Variants in MSN observed in about 807,000 individuals in gnomAD.
MSN encodes the protein moesin.
A neutral mutation model predicts 48.0 loss-of-function variants in MSN; 2 were observed. The ratio of observed to expected loss-of-function variants is 0.04; its 90% CI spans 0.02 to 0.13. The LOEUF is 0.13. Among genes scored for constraint, MSN ranks in the 10% least tolerant of loss-of-function variants. MSN has a pLI of 1.00. For missense variants in MSN, 267 were observed against 470.1 expected, an observed-to-expected ratio of 0.57 and a Z score of 3.99; for synonymous variants, 146 against 166.9, an observed-to-expected ratio of 0.87 and a Z score of 0.97.
intron 1 of MSN, among the ~76,000 whole-genome samples, chrX:65,648,586 G>A (rs1041617488): frequency 9.4e-6 from 1 of 105,834 alleles, no homozygotes; most frequent in East Asian, 3.1e-4. Flanking sequence ...ATAAATAAAA[G>A]AGAGGACTGG....
intron 1 of MSN, among the ~76,000 whole-genome samples, chrX:65,695,859 ACTGATATTTAACTTCATGC>A (rs1404429461): frequency 1.2e-5 from 1 of 85,131 alleles, no homozygotes; most frequent in Non-Finnish European, 1.9e-5. Context: ...GAAAGGAGAC[ACTGATATTTAACTTCATGC>A]CTTTGAGAGA....
At chrX:65,708,609 G>A (rs979547061) in intron 1 of MSN, among the ~76,000 whole-genome samples, 1 of 111,121 alleles carries the variant, frequency 9.0e-6, no homozygotes, top group Non-Finnish European at 1.9e-5. Flanking sequence ...TTAACTTTCT[G>A]TGCCTGGCTT....
At position 65,692,198 on chromosome X, in the gene MSN, G is replaced by T. The variant is rs60826273; in HGVS notation, c.12+24345G>T. ...TCTTGCTTCTTTCTTCTTCATGCAT[G>T]CCTGTTGCTCTCTAAGGTCAGGGAT... On this transcript the variant is annotated intron_variant, in intron 1 of 12. Transcript: ENST00000360270. Among the ~76,000 whole-genome samples, 114 of 112,547 alleles carry T rather than the reference G, an allele frequency of 1.0e-3. 1 individual carries two copies. The highest frequency in any genetic ancestry group is 7.0e-3 in the East Asian group (25 of 3,583).
intron 1 of MSN, among the ~76,000 whole-genome samples, chrX:65,601,281 C>T (rs1015980195): frequency 1.8e-5 from 2 of 111,530 alleles, no homozygotes; most frequent in African/African-American, 3.3e-5. Context: ...ATTCAGAGGG[C>T]CTTTCTAGTT....
chrX:65,657,918 T>C lies in MSN; in HGVS notation c.-21-58900T>C, dbSNP rs999800966. Among the ~76,000 whole-genome samples, 3 of 111,919 alleles carry C rather than the reference T, an allele frequency of 2.7e-5. No individual in the cohort carries two copies. In the South Asian group the frequency reaches 1.1e-3, roughly 41 times the overall value. ...CAACAAATCAACAAACATGTGACTT[T>C]TGGACAAGTCACATCACTTCTCAGA... On this transcript the variant is annotated intron_variant, in intron 1 of 3. Coordinates refer to the MSN transcript ENST00000609672.
rs751586602 is a variant in MSN at position 65,617,492 on chromosome X, G to A, written c.-22+28880G>A. On this transcript the variant is annotated intron_variant, in intron 1 of 3. Transcript: ENST00000609672. ...CTTCTAGATTTTCTAGTTTATTTGC[G>A]TAGAGGTGTTTGTAGTATTCCCTGA... Among the ~76,000 whole-genome samples, 535 of 105,820 alleles carry A rather than the reference G, an allele frequency of 5.1e-3. 2 individuals are homozygous for A. The highest frequency in any genetic ancestry group is 8.3e-3 in the Non-Finnish European group (441 of 52,997). 91.9% of individuals were successfully genotyped at this position (105,820 alleles called of 115,157 possible).
intron 1 of MSN, chrX:65,589,721 G>T (rs1177790248): frequency 8.9e-6 from 1 of 111,764 alleles, no homozygotes; most frequent in African/African-American, 3.3e-5. Context: ...CCTGGATGTT[G>T]GTGGCATACG....
intron 1 of MSN, among the ~76,000 whole-genome samples, chrX:65,657,728 A>T (rs1298327057): frequency 9.0e-6 from 1 of 111,522 alleles, no homozygotes; most frequent in Non-Finnish European, 1.9e-5. Context: ...TCGAACCATT[A>T]GTCTGACCAC....
At chrX:65,689,035 G>C (rs2147471810) in intron 1 of MSN, among the ~76,000 whole-genome samples, 1 of 111,874 alleles carries the variant, frequency 8.9e-6, no homozygotes, top group South Asian at 3.7e-4. Context: ...TTTGTTGAGA[G>C]GAAGAGGTAT....
At chrX:65,718,252 G>A in intron 2 of MSN, among the ~76,000 whole-genome samples, 1 of 109,656 alleles carries the variant, frequency 9.1e-6, no homozygotes, top group South Asian at 4.1e-4. Flanking sequence ...AACTCTCTGG[G>A]TTGGTATCTT....
chrX:65,654,198 C>T (rs770203578), intron 1 of MSN, among the ~76,000 whole-genome samples: 2 of 106,636 alleles, frequency 1.9e-5, no homozygotes, highest in Admixed American at 1.0e-4. Flanking sequence ...CTCCGCCTCC[C>T]GGGCTCACAC....
intron 1 of MSN, among the ~76,000 whole-genome samples, chrX:65,634,365 C>G (rs2070582104): frequency 1.8e-5 from 2 of 112,646 alleles, no homozygotes; most frequent in African/African-American, 6.4e-5. Flanking sequence ...GTAATCCCAG[C>G]ACTTTGGGTG....
chrX:65,738,026 C>T lies in MSN; in HGVS notation c.1252-499C>T, dbSNP rs542487001. ...GAATAGAGGGAACCAAGACCTGTCT[C>T]TCATGAGGAAGCTGTCATGGGAGAT... On this transcript the variant is annotated intron_variant, in intron 10 of 12. Transcript: ENST00000360270. 1.5e-3 allele frequency among the ~76,000 whole-genome samples: 167 copies of T among 112,473 alleles called. 3 individuals carry two copies. Among genetic ancestry groups the T allele is most frequent in the South Asian group, 9.2e-3 (25 of 2,722 alleles).
chrX:65,610,518 G>A (rs2070311944), intron 1 of MSN, among the ~76,000 whole-genome samples: 1 of 112,086 alleles, frequency 8.9e-6, no homozygotes, highest in South Asian at 3.7e-4. Flanking sequence ...ATGGACATAT[G>A]AGTTGTTTCC....
intron 1 of MSN, among the ~76,000 whole-genome samples, chrX:65,612,446 T>C (rs1040643856): frequency 3.6e-5 from 4 of 112,001 alleles, no homozygotes; most frequent in African/African-American, 1.3e-4. Context: ...TTTTTGTTGC[T>C]GAGCTGTAGC....
At chrX:65,620,046 G>A (rs1029305101) in intron 1 of MSN, among the ~76,000 whole-genome samples, 7 of 112,099 alleles carry the variant, frequency 6.2e-5, no homozygotes, top group Non-Finnish European at 1.3e-4. Flanking sequence ...GGACCCACGT[G>A]AGGAGGCAAT....
intron 1 of MSN, among the ~76,000 whole-genome samples, chrX:65,686,003 A>G (rs750176474): frequency 4.2e-4 from 47 of 112,737 alleles, no homozygotes; most frequent in African/African-American, 1.5e-3. Context: ...GCTAGATTAG[A>G]ATCCCCTTCC....
intron 5 of MSN, 147 bp downstream of exon 5, chrX:65,731,337 T>C (rs2071620779): frequency 4.1e-6 from 2 of 482,350 alleles, no homozygotes; most frequent in Non-Finnish European, 3.5e-6. Flanking sequence ...CTAGGACCAT[T>C]ATAAGGCTGT....
intron 1 of MSN, chrX:65,625,575 G>A (rs1450186657): frequency 4.5e-5 from 5 of 111,261 alleles, no homozygotes; most frequent in Non-Finnish European, 7.5e-5. Context: ...TACATATATT[G>A]CCACCCAGCT....
Sources: gnomAD v4.1 joint callset for allele counts (sites outside exome capture counted in the v4.1 genomes callset) on GRCh38, gnomAD v4.1.1 for gene constraint, MANE v1.5 for transcripts, NCBI Gene and HGNC (gene_info 2026-07-23, HGNC 2026-07-21) for gene names.